AGXT: variants seen among roughly 807,000 people sequenced by gnomAD.
The protein encoded by AGXT is alanine--glyoxylate aminotransferase.
AGXT carries 41 observed loss-of-function variants against 46.9 expected under a neutral mutation model. The observed-to-expected ratio is 0.88, with a 90% CI of 0.68 to 1.14. The LOEUF is 1.14. AGXT is among the 50% of genes most tolerant of loss of function. AGXT has a pLI of 0.00. For synonymous variants in AGXT, 244 were observed against 227.9 expected (o/e 1.07, Z -0.64); for missense variants, 525 against 522.7 (o/e 1.00, Z -0.04).
At chr2:240,878,001 T>A in intron 9 of AGXT, 21 bp from the exon 10 acceptor site, 2 of 1,608,864 alleles carry the variant, frequency 1.2e-6, no homozygotes, top group Non-Finnish European at 1.7e-6. Context: ...ACCCACGCAC[T>A]GAGCCAGGCC....
intron 4 of AGXT, among the ~76,000 whole-genome samples, chr2:240,872,663 A>C (rs1164471288): frequency 6.6e-6 from 1 of 151,970 alleles, no homozygotes; most frequent in Non-Finnish European, 1.5e-5. Flanking sequence ...GTCCCTGGGA[A>C]CCACAGACTG....
Position 240,871,397 on chromosome 2 carries a change from T to C in AGXT, c.472T>C (p.Ser158Pro). 6.2e-7 allele frequency: 1 copy of C among 1,600,466 alleles called. No homozygotes were observed. The highest frequency in any genetic ancestry group is 2.3e-5 in the East Asian group (1 of 44,214). Residue 158 changes from serine to proline, a missense_variant, in exon 4 of 11, where the codon TCG becomes CCG. Ser to Pro is a moderately conservative substitution (Grantham distance 74). Coordinates refer to ENST00000307503, the MANE Select transcript of AGXT (RefSeq NM_000030.3). Reference protein sequence around the residue: ...PVLLFLTHGESSTGVLQPLDG... With the variant: ...PVLLFLTHGEPSTGVLQPLDG... ...GCTGCTGTTCTTAACCCACGGGGAG[T>C]CGTCCACCGGCGTGCTGCAGCCCCT...
intron 8 of AGXT, chr2:240,877,166 G>C: frequency 2.3e-6 from 1 of 441,838 alleles, no homozygotes; most frequent in Non-Finnish European, 4.5e-6. Context: ...CCTGAGAGGA[G>C]AGGGGGCCTG....
chr2:240,875,655 G>A (rs924478004), intron 7 of AGXT, among the ~76,000 whole-genome samples: 1 of 152,244 alleles, frequency 6.6e-6, no homozygotes, highest in African/African-American at 2.4e-5. Context: ...TCGCAGGCAC[G>A]CTGGGACTGA....
chr2:240,873,199 C>A (rs115618021), intron 5 of AGXT, 150 bp downstream of exon 5: 3 of 659,398 alleles, frequency 4.5e-6, no homozygotes, highest in South Asian at 1.8e-5. Context: ...CTCCTTACTG[C>A]GGCAAGAGCG....
At chr2:240,873,075 C>T (rs376042817) in intron 5 of AGXT, 26 bp downstream of exon 5, 118 of 1,604,916 alleles carry the variant, frequency 7.4e-5, no homozygotes, top group Middle Eastern at 6.6e-4. Flanking sequence ...GAGAGCCCTA[C>T]CCAGCCCAAG....
rs1315371654 is a variant in AGXT, at chr2:240,877,704, C to G, written c.942+72C>G. The stretch of plus-strand genomic sequence containing the variant: ...ATGAGGGGCTCTTGCCCAGCCCCCT[C>G]AAGAGGGACACTGGCTCCTGAGAAG... On this transcript the variant is annotated intron_variant, in intron 9 of 10. Transcript: ENST00000307503. 42 of 1,467,788 alleles carry G rather than the reference C, an allele frequency of 2.9e-5. No individual in the cohort carries two copies. In the East Asian group the frequency reaches 1.0e-3, roughly 36 times the overall value. 90.9% of individuals were successfully genotyped at this position (1,467,788 alleles called of 1,614,324 possible).
chr2:240,873,330 A>T (rs1202734309), intron 5 of AGXT: 7 of 454,802 alleles, frequency 1.5e-5, no homozygotes, highest in Admixed American at 3.5e-5. Flanking sequence ...CTGTAGCAGA[A>T]GCAGTGGGAA....
At chr2:240,876,822 C>A (rs948117873) in intron 8 of AGXT, 1 of 167,540 alleles carries the variant, frequency 6.0e-6, no homozygotes. Context: ...GCTCTAGGGT[C>A]GTAAAGGTGG....
intron 8 of AGXT, chr2:240,877,314 C>A: frequency 2.9e-6 from 2 of 691,450 alleles, no homozygotes; most frequent in Non-Finnish European, 5.3e-6. Context: ...GCAGACCTCC[C>A]CTCTGTCTCT....
chr2:240,872,807 T>G (rs2058999213), intron 4 of AGXT, among the ~76,000 whole-genome samples, 172 bp from the exon 5 acceptor site: 1 of 152,106 alleles, frequency 6.6e-6, no homozygotes, highest in Non-Finnish European at 1.5e-5. Flanking sequence ...CAGGTCCTGA[T>G]GGATCCTGAC....
At position 240,870,638 on chromosome 2, in the gene AGXT, A is replaced by G. The variant is rs1165099554; in HGVS notation, c.359-6A>G. 3 of 1,551,248 alleles carry G rather than the reference A, an allele frequency of 1.9e-6. No homozygotes were observed. Among genetic ancestry groups the G allele is most frequent in the East Asian group, 2.4e-5 (1 of 41,014 alleles). ...ACACTCACGGCCCACTCTGTCCTGCACCCAGGAGCCCGAGTGCACCCGATG... is the reference window on the plus strand; with the variant it reads ...ACACTCACGGCCCACTCTGTCCTGCGCCCAGGAGCCCGAGTGCACCCGATG... On this transcript the variant is annotated splice_region_variant and splice_polypyrimidine_tract_variant and intron_variant, in intron 2 of 10. Transcript: ENST00000307503.
chr2:240,869,760 C>A (rs2058981490), intron 2 of AGXT, among the ~76,000 whole-genome samples: 1 of 152,232 alleles, frequency 6.6e-6, no homozygotes, highest in South Asian at 2.1e-4. Flanking sequence ...CAAATCTCAG[C>A]AGCCTTCCTT....
At chr2:240,873,690 ACCTGGGGAGGGCCCCAGGGACACGGTG>A (rs892771630) in intron 5 of AGXT, among the ~76,000 whole-genome samples, 3 of 152,058 alleles carry the variant, frequency 2.0e-5, no homozygotes, top group African/African-American at 7.2e-5. Flanking sequence ...GAAAGCAGGG[ACCTGGGGAGGGCCCCAGGGACACGGTG>A]CCTGGGGTGG....
chr2:240,871,546 C>T lies in AGXT; in HGVS notation c.524+97C>T, dbSNP rs919786533. On this transcript the variant is annotated intron_variant, in intron 4 of 10. Coordinates refer to ENST00000307503, the MANE Select transcript of AGXT (RefSeq NM_000030.3). ...TCCCTCTGGTCCTTCTGCCCCTGGT[C>T]CCCACCCCAGCCTCTGTCACATGGT... is the stretch of plus-strand genomic sequence containing the variant. 14 of 1,119,802 alleles carry T rather than the reference C, an allele frequency of 1.3e-5. 1 individual carries two copies. The Admixed American group carries it at 2.8e-4, about 22-fold the overall frequency. The allele number at this position is 1,119,802 out of a possible 1,614,324, so 69.4% of individuals were successfully genotyped here. A position where few individuals can be genotyped will look rare whatever the true frequency, so the allele number is the denominator to read the frequency against.
intron 3 of AGXT, 84 bp from the exon 4 acceptor site, chr2:240,871,265 G>C: frequency 4.2e-6 from 5 of 1,194,878 alleles, no homozygotes; most frequent in Non-Finnish European, 6.0e-6. Context: ...GCTACCTGGA[G>C]CTGTGCCACC....
chr2:240,878,660 G>A, intron 10 of AGXT, 54 bp from the exon 11 acceptor site: 2 of 1,504,988 alleles, frequency 1.3e-6, no homozygotes, highest in South Asian at 1.2e-5. Flanking sequence ...TGTCGGTCAG[G>A]GTCAGGCAGG....
intron 9 of AGXT, 51 bp downstream of exon 9, chr2:240,877,683 G>A: frequency 6.5e-7 from 1 of 1,530,618 alleles, no homozygotes; most frequent in Non-Finnish European, 8.9e-7. Context: ...GGAAGGATGA[G>A]GGGCTCTTGC....
At chr2:240,874,206 G>C (rs2059008343) in intron 6 of AGXT, 144 bp downstream of exon 6, 2 of 816,556 alleles carry the variant, frequency 2.4e-6, no homozygotes, top group Admixed American at 4.5e-5. Flanking sequence ...CACCCTCTGG[G>C]AGGCCAAAGG....
Sources: gnomAD v4.1 joint callset for allele counts (sites outside exome capture counted in the v4.1 genomes callset) on GRCh38, gnomAD v4.1.1 for gene constraint, MANE v1.5 for transcripts, NCBI Gene and HGNC (gene_info 2026-07-23, HGNC 2026-07-21) for gene names.